MACROD2: variants seen among roughly 807,000 people sequenced by gnomAD.
MACROD2 encodes the protein mono-ADP ribosylhydrolase 2, also known as ADP-ribose glycohydrolase MACROD2.
A neutral mutation model predicts 70.4 loss-of-function variants in MACROD2; 36 were observed. The observed-to-expected ratio is 0.51, with a 90% confidence interval of 0.39 to 0.68. The LOEUF (loss-of-function observed/expected upper bound fraction) is 0.68, where lower values mean the gene tolerates loss of function less well. Among genes scored for constraint, MACROD2 ranks in the 30% least tolerant of loss-of-function variants. The probability of loss-of-function intolerance (pLI) is 0.00; values close to 1 mark genes in which losing one functional copy is unlikely to be tolerated. For missense variants in MACROD2, 496 were observed against 538.4 expected, an observed-to-expected ratio of 0.92 and a Z score of 0.78; for synonymous variants, 172 against 178.8, an observed-to-expected ratio of 0.96 and a Z score of 0.30.
intron 5 of MACROD2, among the ~76,000 whole-genome samples, chr20:14,990,515 C>CTTTTTTTTTTTTTTTTTTT (rs541686087): frequency 7.7e-6 from 1 of 129,356 alleles, no homozygotes; most frequent in African/African-American, 2.9e-5. Context: ...TTTTCTTTTT[C>CTTTTTTTTTTTTTTTTTTT]TTTTTTTTTT....
chr20:14,870,064 G>C (rs1032904429), intron 5 of MACROD2, among the ~76,000 whole-genome samples: 1 of 152,102 alleles, frequency 6.6e-6, no homozygotes, highest in African/African-American at 2.4e-5. Context: ...ATTAAGCCTA[G>C]TGCCCATTGG....
intron 12 of MACROD2, among the ~76,000 whole-genome samples, chr20:15,958,955 C>T (rs2066018824): frequency 6.6e-6 from 1 of 152,190 alleles, no homozygotes; most frequent in African/African-American, 2.4e-5. Flanking sequence ...ACCTCCAGAA[C>T]TGTGAGGAAT....
intron 6 of MACROD2, among the ~76,000 whole-genome samples, chr20:15,377,741 C>T (rs1369111291): frequency 6.6e-6 from 1 of 152,182 alleles, no homozygotes; most frequent in East Asian, 1.9e-4. Flanking sequence ...TACATGGGAA[C>T]GAATGCCTTT....
chr20:14,998,061 G>A (rs1371152609), intron 5 of MACROD2, among the ~76,000 whole-genome samples: 1 of 152,192 alleles, frequency 6.6e-6, no homozygotes, highest in Non-Finnish European at 1.5e-5. Context: ...TCCTAATGCA[G>A]TTACAGCTGC....
In MACROD2 at chr20:15,967,645, C is replaced by T; in HGVS notation, c.985+15C>T. On this transcript the variant is annotated intron_variant, in intron 13 of 17. Coordinates refer to ENST00000684519, the MANE Select transcript of MACROD2 (RefSeq NM_001351661.2). ...TCATCCCGATGGTAGGTTGTGAAAT[C>T]CTTTATTAGATTTTCTTTTCTTCTG... The T allele has an allele frequency of 2.0e-6, 3 of 1,472,548 alleles. No individual in the cohort carries two copies. The highest frequency in any genetic ancestry group is 2.8e-6 in the Non-Finnish European group (3 of 1,087,506). 91.2% of individuals were successfully genotyped at this position (1,472,548 alleles called of 1,614,324 possible).
chr20:14,435,549 A>T (rs181029592), intron 3 of MACROD2, among the ~76,000 whole-genome samples: 3 of 152,292 alleles, frequency 2.0e-5, no homozygotes, highest in African/African-American at 7.2e-5. Context: ...TTTTTAATTC[A>T]ACAGATAGTT....
At chr20:14,171,703 G>T (rs2081222171) in intron 3 of MACROD2, among the ~76,000 whole-genome samples, 1 of 152,120 alleles carries the variant, frequency 6.6e-6, no homozygotes, top group Non-Finnish European at 1.5e-5. Context: ...GTCTGAGAGA[G>T]TTCTTGATAT....
chr20:14,213,580 A>C (rs955150855), intron 3 of MACROD2, among the ~76,000 whole-genome samples: 1 of 151,898 alleles, frequency 6.6e-6, no homozygotes, highest in Non-Finnish European at 1.5e-5. Context: ...AGAGTTGGCA[A>C]ATCTTACCGG....
At position 15,310,312 on chromosome 20, in the gene MACROD2, A is replaced by G. The variant is rs373611591; in HGVS notation, c.540+80251A>G. On this transcript the variant is annotated intron_variant, in intron 6 of 17. Coordinates refer to ENST00000684519, the MANE Select transcript of MACROD2 (RefSeq NM_001351661.2). Reference sequence around the variant, plus strand: ...AGCCTGGAAGTAGAATTGGGGCCCAATGTTGAAAGCCTAAAATGCCTTGCT... The same window carrying G: ...AGCCTGGAAGTAGAATTGGGGCCCAGTGTTGAAAGCCTAAAATGCCTTGCT... Among the ~76,000 whole-genome samples, 12 of 152,180 alleles carry G rather than the reference A, an allele frequency of 7.9e-5. 1 individual carries two copies. Among genetic ancestry groups the G allele is most frequent in the East Asian group, 3.9e-4 (2 of 5,190 alleles).
rs1359677122 is a variant in MACROD2, at chr20:16,050,822, C to CT, written c.*948dup. 6.6e-6 allele frequency: 1 copy of CT among 152,264 alleles called. No individual in the cohort carries two copies. Among genetic ancestry groups the CT allele is most frequent in the East Asian group, 1.9e-4 (1 of 5,204 alleles). The allele number at this position is 152,264 out of a possible 1,614,324, so 9.4% of individuals were successfully genotyped here. On this transcript the variant is annotated 3_prime_UTR_variant, in exon 18 of 18. Transcript: ENST00000684519. The stretch of plus-strand genomic sequence containing the variant: ...AAGAATATCCTGTCTTCACCCAAGG[C>CT]TTGACAGCCCACAGAGTGGTCTCAT...
At chr20:14,465,862 C>T (rs1041454423) in intron 3 of MACROD2, among the ~76,000 whole-genome samples, 1 of 152,086 alleles carries the variant, frequency 6.6e-6, no homozygotes, top group African/African-American at 2.4e-5. Context: ...AATAGTGGCC[C>T]CCACTCTGTT....
Position 15,332,148 on chromosome 20 carries a change from C to G in MACROD2, c.541-99257C>G, listed in dbSNP as rs751310516. On this transcript the variant is annotated intron_variant, in intron 6 of 17. Transcript: ENST00000684519. ...AGTGTGGGCTCTCCAGTGCTGTTGA[C>G]ATGGGCATATCATTTTTGTCCAGGT... Among the ~76,000 whole-genome samples the G allele has an allele frequency of 2.7e-4, 41 of 151,398 alleles. 1 individual carries two copies. Among genetic ancestry groups the G allele is most frequent in the Non-Finnish European group, 5.3e-4 (36 of 67,946 alleles).
intron 4 of MACROD2, among the ~76,000 whole-genome samples, chr20:14,617,790 C>G (rs868422609): frequency 1.3e-5 from 2 of 152,034 alleles, no homozygotes; most frequent in Non-Finnish European, 2.9e-5. Context: ...TGCTTGTTAC[C>G]GAAACCCTGA....
intron 8 of MACROD2, among the ~76,000 whole-genome samples, chr20:15,732,537 C>T (rs1357104725): frequency 6.6e-6 from 1 of 152,152 alleles, no homozygotes; most frequent in African/African-American, 2.4e-5. Flanking sequence ...CTTTTTCTGT[C>T]TCTACTAATT....
intron 5 of MACROD2, among the ~76,000 whole-genome samples, chr20:15,093,563 A>G (rs1376181740): frequency 6.6e-6 from 1 of 152,144 alleles, no homozygotes; most frequent in Non-Finnish European, 1.5e-5. Context: ...GTTCTGATGG[A>G]TTAATAAATA....
intron 5 of MACROD2, among the ~76,000 whole-genome samples, chr20:15,021,304 A>ACCTGTGTGTGTG (rs1277807142): frequency 2.9e-5 from 3 of 103,164 alleles, no homozygotes; most frequent in East Asian, 3.2e-4. Context: ...GTATATGCAC[A>ACCTGTGTGTGTG]TATACATATA....
intron 6 of MACROD2, among the ~76,000 whole-genome samples, chr20:15,347,675 G>A (rs2146216838): frequency 6.6e-6 from 1 of 152,118 alleles, no homozygotes; most frequent in Admixed American, 6.5e-5. Flanking sequence ...AATATAATAT[G>A]ATATAATGTA....
chr20:15,821,646 C>T (rs1026578060), intron 8 of MACROD2, among the ~76,000 whole-genome samples: 3 of 152,092 alleles, frequency 2.0e-5, no homozygotes, highest in Admixed American at 2.0e-4. Flanking sequence ...ATAGTGTGTC[C>T]GTATTGACCA....
At position 14,116,912 on chromosome 20, in the gene MACROD2, CA is replaced by C. The variant is rs766037960; in HGVS notation, c.271+31189del. Among the ~76,000 whole-genome samples the C allele has an allele frequency of 3.3e-5, 5 of 152,058 alleles. No individual in the cohort carries two copies. In the East Asian group the frequency reaches 9.7e-4, roughly 29 times the overall value. Reference sequence around the variant, plus strand: ...TGAAACCCCGTCTCTACTAAAAATACAAAAATTAGCCAGTTGTGGTGGCATG... The same window carrying C: ...TGAAACCCCGTCTCTACTAAAAATACAAAATTAGCCAGTTGTGGTGGCATG... On this transcript the variant is annotated intron_variant, in intron 3 of 17. Transcript: ENST00000684519.
Sources: gnomAD v4.1 joint callset for allele counts (sites outside exome capture counted in the v4.1 genomes callset) on GRCh38, gnomAD v4.1.1 for gene constraint, MANE v1.5 for transcripts, NCBI Gene and HGNC (gene_info 2026-07-23, HGNC 2026-07-21) for gene names.